RAPGEF5: variants seen among roughly 807,000 people sequenced by gnomAD.
The protein encoded by RAPGEF5 is Rap guanine nucleotide exchange factor 5.
Under a neutral mutation model 125.2 loss-of-function variants are expected in RAPGEF5, and 65 were observed. The observed-to-expected ratio is 0.52, with a 90% CI of 0.43 to 0.64. The LOEUF (loss-of-function observed/expected upper bound fraction) is 0.64, where lower values mean the gene tolerates loss of function less well. Among genes scored for constraint, RAPGEF5 ranks in the 30% least tolerant of loss-of-function variants. The probability of loss-of-function intolerance (pLI) is 0.00; values close to 1 mark genes in which losing one functional copy is unlikely to be tolerated. For missense variants in RAPGEF5, 958 were observed against 1,048.1 expected (o/e 0.91, Z 1.19); for synonymous variants, 391 against 385.9 (o/e 1.01, Z -0.16).
intron 1 of RAPGEF5, among the ~76,000 whole-genome samples, chr7:22,339,196 A>G (rs1784081246): frequency 6.6e-6 from 1 of 152,230 alleles, no homozygotes; most frequent in Admixed American, 6.5e-5. Flanking sequence ...GCAACTGCAG[A>G]CACTCCACCC....
intron 1 of RAPGEF5, among the ~76,000 whole-genome samples, chr7:22,346,448 C>T (rs1347301623): frequency 1.3e-5 from 2 of 152,056 alleles, no homozygotes; most frequent in Non-Finnish European, 1.5e-5. Context: ...TATAATGAGT[C>T]AACCATTTGC....
intron 11 of RAPGEF5, among the ~76,000 whole-genome samples, chr7:22,172,763 C>A (rs1410004175): frequency 6.6e-6 from 1 of 152,122 alleles, no homozygotes; most frequent in East Asian, 1.9e-4. Flanking sequence ...AAAAACAAAA[C>A]CCTGAAGTCT....
chr7:22,205,460 G>C (rs917566050), intron 9 of RAPGEF5, among the ~76,000 whole-genome samples: 1 of 152,164 alleles, frequency 6.6e-6, no homozygotes, highest in Admixed American at 6.5e-5. Context: ...TTCTCTATCA[G>C]CTCCAGTTCC....
At chr7:22,259,124 G>A (rs1041151044) in intron 7 of RAPGEF5, among the ~76,000 whole-genome samples, 15 of 151,910 alleles carry the variant, frequency 9.9e-5, no homozygotes, top group Admixed American at 2.0e-4. Flanking sequence ...ATAAAGAACT[G>A]TTATCCAAAA....
intron 9 of RAPGEF5, among the ~76,000 whole-genome samples, chr7:22,210,004 A>C (rs1785474190): frequency 6.6e-6 from 1 of 152,196 alleles, no homozygotes; most frequent in Admixed American, 6.5e-5. Flanking sequence ...ATGGTCTTAG[A>C]ATATATTTTC....
intron 8 of RAPGEF5, among the ~76,000 whole-genome samples, chr7:22,229,820 A>G (rs1406317298): frequency 6.6e-6 from 1 of 152,210 alleles, no homozygotes; most frequent in Non-Finnish European, 1.5e-5. Flanking sequence ...TAATGATGCC[A>G]TGCTGCCCAG....
At chr7:22,254,107 T>C (rs779464494) in intron 7 of RAPGEF5, among the ~76,000 whole-genome samples, 9 of 152,228 alleles carry the variant, frequency 5.9e-5, no homozygotes, top group African/African-American at 1.7e-4. Flanking sequence ...AAGTAGAATA[T>C]GCCTTTTCAC....
chr7:22,194,924 G>A (rs1785110868), intron 9 of RAPGEF5, among the ~76,000 whole-genome samples: 2 of 152,214 alleles, frequency 1.3e-5, no homozygotes, highest in African/African-American at 4.8e-5. Flanking sequence ...TTCTCCTGAT[G>A]TGCAATACCC....
chr7:22,245,911 C>T (rs899983005), intron 7 of RAPGEF5, among the ~76,000 whole-genome samples: 4 of 152,104 alleles, frequency 2.6e-5, no homozygotes, highest in African/African-American at 9.7e-5. Flanking sequence ...GTACATAAAA[C>T]AGTAGCATTT....
intron 8 of RAPGEF5, 54 bp from the exon 9 acceptor site, chr7:22,220,045 T>A (rs1177790576): frequency 7.5e-6 from 12 of 1,592,468 alleles, no homozygotes; most frequent in South Asian, 2.2e-5. Context: ...TCCCAGGACA[T>A]GACACCACCG....
At chr7:22,176,573 G>A (rs1469824909) in intron 11 of RAPGEF5, among the ~76,000 whole-genome samples, 1 of 152,196 alleles carries the variant, frequency 6.6e-6, no homozygotes, top group Non-Finnish European at 1.5e-5. Flanking sequence ...CGCCCAGGCT[G>A]GATGGAGTGC....
intron 4 of RAPGEF5, 59 bp from the exon 5 acceptor site, chr7:22,308,566 T>G: frequency 7.7e-7 from 1 of 1,303,770 alleles, no homozygotes; most frequent in Non-Finnish European, 1.0e-6. Flanking sequence ...CAGAGAGTAA[T>G]AACTCAAATG....
chr7:22,220,459 A>C (rs372845046), intron 8 of RAPGEF5, among the ~76,000 whole-genome samples: 3 of 152,234 alleles, frequency 2.0e-5, no homozygotes, highest in East Asian at 1.9e-4. Flanking sequence ...TCCGTATATA[A>C]ATAAACCCTT....
In RAPGEF5 at chr7:22,122,527, G is replaced by T. The variant is rs1388192223; in HGVS notation, c.2537-6C>A. 3 of 1,594,938 alleles carry T rather than the reference G, an allele frequency of 1.9e-6. No homozygotes were observed. The highest frequency in any genetic ancestry group is 1.7e-6 in the Non-Finnish European group (2 of 1,163,282). On this transcript the variant is annotated splice_region_variant and splice_polypyrimidine_tract_variant and intron_variant, in intron 25 of 25. Transcript: ENST00000665637. ...CTCTTTTGGAGACAGGTCACCTGTT[G>T]TTTAGAGGGGGAAAAAAGACAATCT...
chr7:22,340,397 AACC>A (rs1198960240), intron 1 of RAPGEF5, among the ~76,000 whole-genome samples: 1 of 152,256 alleles, frequency 6.6e-6, no homozygotes, highest in Non-Finnish European at 1.5e-5. Context: ...AATCTTCACA[AACC>A]AGGAAGAAGG....
intron 20 of RAPGEF5, among the ~76,000 whole-genome samples, chr7:22,143,911 C>A (rs554744756): frequency 1.2e-4 from 18 of 152,130 alleles, no homozygotes; most frequent in Admixed American, 3.3e-4. Flanking sequence ...CCCCACACTA[C>A]CTTGTACACA....
intron 7 of RAPGEF5, among the ~76,000 whole-genome samples, chr7:22,236,999 G>A (rs1786208330): frequency 6.6e-6 from 1 of 152,168 alleles, no homozygotes; most frequent in Non-Finnish European, 1.5e-5. Context: ...CCTCTCCCCA[G>A]GTGCTGCATC....
intron 1 of RAPGEF5, among the ~76,000 whole-genome samples, chr7:22,341,557 T>C (rs1784129544): frequency 6.6e-6 from 1 of 152,228 alleles, no homozygotes; most frequent in Non-Finnish European, 1.5e-5. Context: ...CCCTTCTGCC[T>C]ATGAGCCTGT....
chr7:22,250,572 T>C (rs1786593986), intron 7 of RAPGEF5, among the ~76,000 whole-genome samples: 1 of 152,194 alleles, frequency 6.6e-6, no homozygotes, highest in African/African-American at 2.4e-5. Flanking sequence ...TGACGAAGGA[T>C]GGACACTAGC....
Sources: gnomAD v4.1 joint callset for allele counts (sites outside exome capture counted in the v4.1 genomes callset) on GRCh38, gnomAD v4.1.1 for gene constraint, MANE v1.5 for transcripts, NCBI Gene and HGNC (gene_info 2026-07-23, HGNC 2026-07-21) for gene names.